The following CDKL3 variants were observed in gnomAD, a reference collection of about 807,000 sequenced individuals.
CDKL3 encodes the protein cyclin dependent kinase like 3, also known as cyclin-dependent kinase-like 3.
In CDKL3, 65 loss-of-function variants were observed where a neutral mutation model predicts 69.3. That is an observed-to-expected ratio of 0.94 (90% CI 0.77 to 1.15). CDKL3 has a LOEUF of 1.15. Ranked by LOEUF, CDKL3 falls within the 50% of genes most tolerant of loss-of-function variation. The pLI is 0.00. For synonymous variants in CDKL3, 202 were observed against 221.6 expected, an observed-to-expected ratio of 0.91 and a Z score of 0.79; for missense variants, 652 against 689.2, an observed-to-expected ratio of 0.95 and a Z score of 0.61.
At chr5:134,321,463 C>T (rs1772770325) in intron 5 of CDKL3, among the ~76,000 whole-genome samples, 1 of 152,034 alleles carries the variant, frequency 6.6e-6, no homozygotes, top group Non-Finnish European at 1.5e-5. Flanking sequence ...TATTTAAAGT[C>T]CTTATATAAA....
At chr5:134,295,665 T>C (rs758671698), downstream of CDKL3, among the ~76,000 whole-genome samples, 1 of 152,240 alleles carries the variant, frequency 6.6e-6, no homozygotes, top group Non-Finnish European at 1.5e-5. Context: ...CACAATATTA[T>C]AATAAGTTAT....
chr5:134,352,649 A>T (rs1046717708), intron 3 of CDKL3, among the ~76,000 whole-genome samples: 1 of 152,014 alleles, frequency 6.6e-6, no homozygotes, highest in African/African-American at 2.4e-5. Flanking sequence ...TGGTTTTGCC[A>T]TGTTGCCTGG....
chr5:134,340,160 G>C (rs939387500), intron 4 of CDKL3, among the ~76,000 whole-genome samples: 8 of 151,852 alleles, frequency 5.3e-5, no homozygotes, highest in Admixed American at 4.6e-4. Flanking sequence ...TCTCAAAAAA[G>C]AAAAAGAAAA....
chr5:134,296,604 C>T (rs1039929567), downstream of CDKL3, among the ~76,000 whole-genome samples: 1 of 152,098 alleles, frequency 6.6e-6, no homozygotes, highest in Non-Finnish European at 1.5e-5. Flanking sequence ...TTTGTGCAGC[C>T]TCTATAAACT....
chr5:134,314,532 C>T (rs1047202483), intron 6 of CDKL3, among the ~76,000 whole-genome samples: 4 of 151,916 alleles, frequency 2.6e-5, no homozygotes, highest in Admixed American at 1.3e-4. Flanking sequence ...TTTGTAATAG[C>T]GAAAAGTGGG....
chr5:134,320,624 C>T (rs1162753447), intron 5 of CDKL3, among the ~76,000 whole-genome samples: 1 of 151,914 alleles, frequency 6.6e-6, no homozygotes, highest in East Asian at 1.9e-4. Context: ...GCCTGTATTC[C>T]CAGCACTTTG....
intron 3 of CDKL3, among the ~76,000 whole-genome samples, chr5:134,359,049 G>T (rs1175617532): frequency 6.6e-6 from 1 of 152,098 alleles, no homozygotes; most frequent in Non-Finnish European, 1.5e-5. Context: ...ATTTTGGGAG[G>T]CTGAGGCGGG....
Position 134,359,931 on chromosome 5 carries a change from A to T in CDKL3, c.326T>A (p.Ile109Asn). 6.3e-7 allele frequency: 1 copy of T among 1,588,162 alleles called. No individual in the cohort carries two copies. Among genetic ancestry groups the T allele is most frequent in the Non-Finnish European group, 8.6e-7 (1 of 1,166,406 alleles). ...SKRLRKYLFQ[I>N]LRAIDYLHSN... ...GTGAAGATAGTCAATTGCTCGAAGG[A>T]TCTGGAAGAGGTATTTTCTAAGTCG... The change falls in exon 3 of 13, where the codon ATC (isoleucine) becomes AAC (asparagine). Residue 109 changes from isoleucine (I) to asparagine (N), a missense_variant. Ile to Asn is a moderately radical substitution (Grantham distance 149, BLOSUM62 -3). Transcript: ENST00000265334.
At chr5:134,364,647 G>T (rs1246169744) in intron 2 of CDKL3, among the ~76,000 whole-genome samples, 1 of 151,858 alleles carries the variant, frequency 6.6e-6, no homozygotes, top group Admixed American at 6.6e-5. Context: ...GAATAGCTGG[G>T]ATTACAGGCA....
At chr5:134,313,145 CTT>C (rs1249323499) in intron 6 of CDKL3, among the ~76,000 whole-genome samples, 1 of 152,170 alleles carries the variant, frequency 6.6e-6, no homozygotes, top group African/African-American at 2.4e-5. Context: ...CTGATGAACT[CTT>C]GAGTTCAAGC....
rs565414813 is a variant in CDKL3 at position 134,299,570 on chromosome 5, C to T, written c.1720-860G>A. 108 of 1,266,834 alleles carry T rather than the reference C, an allele frequency of 8.5e-5. No individual in the cohort carries two copies. In the Admixed American group the frequency reaches 1.4e-3, roughly 16 times the overall value. 78.5% of individuals were successfully genotyped at this position (1,266,834 alleles called of 1,614,324 possible). A position where few individuals can be genotyped will look rare whatever the true frequency, so the allele number is the denominator to read the frequency against. On this transcript the variant is annotated intron_variant, in intron 12 of 12. Coordinates refer to ENST00000265334, the MANE Select transcript of CDKL3 (RefSeq NM_001113575.2). The stretch of plus-strand genomic sequence containing the variant: ...TTTAGGTGAATGTACATATAACTAA[C>T]AGGATTTACGATATACCTGTAAAAT...
At chr5:134,290,617 G>T (rs1350961012) in intron 8 of CDKL3, among the ~76,000 whole-genome samples, 13 of 152,122 alleles carry the variant, frequency 8.5e-5, no homozygotes, top group Admixed American at 8.5e-4. Flanking sequence ...GTAAGTTATT[G>T]TGATGTCTGT....
At position 134,366,477 on chromosome 5, in the gene CDKL3, C is replaced by T. The variant is rs764617295; in HGVS notation, c.47G>A (p.Gly16Glu). ...CTTATGTTTACATTTCATGACTGTT[C>T]CGTAACTTCCCTCTCCCACTTTTCC... ...TLGKVGEGSY[G>E]TVMKCKHKNT... Residue 16 changes from glycine (G) to glutamate (E), a missense_variant, in exon 2 of 13, where the codon GGA becomes GAA. By Grantham distance (98) the Gly-to-Glu change is moderately conservative (BLOSUM62 -2). Coordinates refer to ENST00000265334, the MANE Select transcript of CDKL3 (RefSeq NM_001113575.2). 6.2e-6 allele frequency: 10 copies of T among 1,608,544 alleles called. No individual in the cohort carries two copies. Among genetic ancestry groups the T allele is most frequent in the Non-Finnish European group, 7.6e-6 (9 of 1,177,554 alleles).
chr5:134,310,178 T>C (rs1370634004), intron 7 of CDKL3, among the ~76,000 whole-genome samples: 1 of 151,396 alleles, frequency 6.6e-6, no homozygotes, highest in Non-Finnish European at 1.5e-5. Flanking sequence ...TTTTTTATTA[T>C]ATTTATTTAT....
chr5:134,302,386 T>G lies in CDKL3; in HGVS notation c.1719+204A>C, dbSNP rs142330107. On this transcript the variant is annotated intron_variant, in intron 12 of 12. Transcript: ENST00000265334. ...CCCTGGGTGCCATGCATTCTAATCATTCAACATTACCCACCAAAAAATAAC... is the reference window on the plus strand; with the variant it reads ...CCCTGGGTGCCATGCATTCTAATCAGTCAACATTACCCACCAAAAAATAAC... Among the ~76,000 whole-genome samples, 116 of 152,334 alleles carry G rather than the reference T, an allele frequency of 7.6e-4. 1 individual carries two copies. Among genetic ancestry groups the G allele is most frequent in the Non-Finnish European group, 1.0e-3 (70 of 68,034 alleles).
chr5:134,356,991 GC>G (rs1754766979), intron 3 of CDKL3, among the ~76,000 whole-genome samples: 1 of 151,304 alleles, frequency 6.6e-6, no homozygotes, highest in South Asian at 2.1e-4. Context: ...TATCGTTTGT[GC>G]CACGAAACTT....
chr5:134,317,575 G>A (rs773698976), intron 6 of CDKL3, among the ~76,000 whole-genome samples: 15 of 152,120 alleles, frequency 9.9e-5, no homozygotes, highest in Non-Finnish European at 1.9e-4. Flanking sequence ...AGTGAGCAAC[G>A]ATCACACCAT....
At chr5:134,297,135 A>T, downstream of CDKL3, among the ~76,000 whole-genome samples, 1 of 151,886 alleles carries the variant, frequency 6.6e-6, no homozygotes. Context: ...TATTTTTACT[A>T]GAGACAGGGT....
At chr5:134,302,475 A>G in intron 12 of CDKL3, 115 bp downstream of exon 12, 1 of 634,446 alleles carries the variant, frequency 1.6e-6, no homozygotes, top group Non-Finnish European at 2.7e-6. Flanking sequence ...TAGTTCAAAG[A>G]TTATAAAATT....
Sources: allele counts gnomAD v4.1 joint callset (sites outside exome capture counted in the v4.1 genomes callset), GRCh38; gene constraint gnomAD v4.1.1; transcripts MANE v1.5; gene names NCBI Gene and HGNC (gene_info 2026-07-23, HGNC 2026-07-21).